The following OLFM3 variants were observed in gnomAD, a reference collection of about 807,000 sequenced individuals.
OLFM3 encodes the protein olfactomedin 3.
Under a neutral mutation model 48.6 loss-of-function variants are expected in OLFM3, and 20 were observed. The ratio of observed to expected loss-of-function variants is 0.41; its 90% confidence interval spans 0.29 to 0.60. The LOEUF (loss-of-function observed/expected upper bound fraction) is 0.60. OLFM3 is among the 20% of genes least tolerant of loss of function. The probability of loss-of-function intolerance (pLI) is 0.28; values close to 1 mark genes in which losing one functional copy is unlikely to be tolerated. For missense variants in OLFM3, 437 were observed against 544.3 expected (o/e 0.80, Z 1.96); for synonymous variants, 222 against 198.1 (o/e 1.12, Z -1.01).
At chr1:101,815,831 A>G (rs1381582060) in intron 4 of OLFM3, among the ~76,000 whole-genome samples, 1 of 152,160 alleles carries the variant, frequency 6.6e-6, no homozygotes, top group Non-Finnish European at 1.5e-5. Flanking sequence ...AGTTTTGACA[A>G]AACAGTTTTG....
intron 1 of OLFM3, among the ~76,000 whole-genome samples, chr1:101,873,778 T>G (rs1034727481): frequency 4.0e-5 from 6 of 151,884 alleles, no homozygotes; most frequent in Non-Finnish European, 5.9e-5. Flanking sequence ...TTTTCTCTAG[T>G]GTAGAATGAA....
intron 1 of OLFM3, among the ~76,000 whole-genome samples, chr1:101,866,391 G>A (rs1228879717): frequency 6.6e-6 from 1 of 150,774 alleles, no homozygotes; most frequent in Non-Finnish European, 1.5e-5. Flanking sequence ...TTCAAACACT[G>A]CAATTTATGT....
At chr1:101,867,791 G>T (rs548874613) in intron 1 of OLFM3, among the ~76,000 whole-genome samples, 1 of 152,256 alleles carries the variant, frequency 6.6e-6, no homozygotes, top group South Asian at 2.1e-4. Context: ...TTATGCTATG[G>T]TTTGGCTATG....
At chr1:101,957,405 G>A (rs1337295417) in intron 1 of OLFM3, among the ~76,000 whole-genome samples, 1 of 151,868 alleles carries the variant, frequency 6.6e-6, no homozygotes, top group African/African-American at 2.4e-5. Context: ...AATTTGTGCT[G>A]CTGGTGTTTT....
intron 1 of OLFM3, among the ~76,000 whole-genome samples, chr1:101,920,501 T>G (rs530223131): frequency 6.6e-6 from 1 of 152,334 alleles, no homozygotes; most frequent in Non-Finnish European, 1.5e-5. Flanking sequence ...TGTCTAAAAC[T>G]AAATGTGAAG....
intron 1 of OLFM3, among the ~76,000 whole-genome samples, chr1:101,988,660 A>C (rs1570694000): frequency 6.6e-6 from 1 of 152,028 alleles, no homozygotes. Flanking sequence ...TCATTTTTTC[A>C]TGCAAAAAAT....
chr1:101,863,890 C>A (rs1040433910), intron 1 of OLFM3, among the ~76,000 whole-genome samples: 2 of 152,020 alleles, frequency 1.3e-5, no homozygotes, highest in Admixed American at 6.6e-5. Context: ...AAGATATATT[C>A]TTAAATCTCA....
intron 1 of OLFM3, among the ~76,000 whole-genome samples, chr1:101,861,913 A>C (rs1385113359): frequency 3.3e-5 from 5 of 152,230 alleles, no homozygotes; most frequent in Admixed American, 1.3e-4. Flanking sequence ...TTGTTGTATG[A>C]AGGGAGATTG....
At chr1:101,959,226 A>G (rs948226643) in intron 1 of OLFM3, among the ~76,000 whole-genome samples, 2 of 152,102 alleles carry the variant, frequency 1.3e-5, no homozygotes, top group African/African-American at 2.4e-5. Context: ...ATAATGTTTT[A>G]TTGTTGAATA....
At chr1:101,892,058 G>A (rs920907651) in intron 1 of OLFM3, among the ~76,000 whole-genome samples, 1 of 151,954 alleles carries the variant, frequency 6.6e-6, no homozygotes, top group African/African-American at 2.4e-5. Flanking sequence ...AAAGCTTGAA[G>A]TTCTTTATTA....
chr1:101,983,514 G>A (rs930333991), intron 1 of OLFM3, among the ~76,000 whole-genome samples: 3 of 152,174 alleles, frequency 2.0e-5, no homozygotes, highest in Non-Finnish European at 2.9e-5. Context: ...GGTAGAAACT[G>A]TATCTTTATA....
At chr1:101,851,260 A>G (rs941641707) in intron 1 of OLFM3, among the ~76,000 whole-genome samples, 1 of 152,140 alleles carries the variant, frequency 6.6e-6, no homozygotes, top group African/African-American at 2.4e-5. Context: ...ACCATTGACT[A>G]AGTAAGTCTC....
intron 3 of OLFM3, among the ~76,000 whole-genome samples, chr1:101,827,049 A>G (rs1343588468): frequency 6.6e-6 from 1 of 152,230 alleles, no homozygotes; most frequent in African/African-American, 2.4e-5. Context: ...AGAGCATTGG[A>G]AAGTCCACCC....
intron 1 of OLFM3, among the ~76,000 whole-genome samples, chr1:101,986,469 GTCCACAATACTA>G (rs1436145746): frequency 6.6e-6 from 1 of 151,948 alleles, no homozygotes; most frequent in Non-Finnish European, 1.5e-5. Context: ...TTGGTACTCT[GTCCACAATACTA>G]TCAACTTTTC....
chr1:101,989,322 C>A (rs1661334569), intron 1 of OLFM3, among the ~76,000 whole-genome samples: 1 of 151,972 alleles, frequency 6.6e-6, no homozygotes, highest in Non-Finnish European at 1.5e-5. Context: ...AAAAAAGAAT[C>A]AATGTTCTTG....
intron 4 of OLFM3, among the ~76,000 whole-genome samples, chr1:101,808,310 G>A (rs1247609442): frequency 6.6e-6 from 1 of 151,846 alleles, no homozygotes; most frequent in East Asian, 1.9e-4. Context: ...AGAGCCATTA[G>A]TGAAGAAGTT....
At chr1:101,889,846 T>C (rs764907541) in intron 1 of OLFM3, among the ~76,000 whole-genome samples, 17 of 152,100 alleles carry the variant, frequency 1.1e-4, no homozygotes, top group Non-Finnish European at 1.6e-4. Flanking sequence ...ATTATTTTTC[T>C]ACTTTTAAAT....
At chr1:101,900,675 A>G (rs565048207) in intron 1 of OLFM3, among the ~76,000 whole-genome samples, 2 of 152,078 alleles carry the variant, frequency 1.3e-5, no homozygotes, top group East Asian at 1.9e-4. Context: ...GAGTTAGTGG[A>G]TTGGAAAGCT....
chr1:101,842,387 A>C (rs950604822), intron 1 of OLFM3, among the ~76,000 whole-genome samples: 2 of 151,962 alleles, frequency 1.3e-5, no homozygotes, highest in African/African-American at 4.8e-5. Flanking sequence ...AAATACAAAA[A>C]TTAGCTGGAC....
Sources: gnomAD v4.1 joint callset for allele counts (sites outside exome capture counted in the v4.1 genomes callset) on GRCh38, gnomAD v4.1.1 for gene constraint, MANE v1.5 for transcripts, NCBI Gene and HGNC (gene_info 2026-07-23, HGNC 2026-07-21) for gene names.